The following FTO variants were observed in gnomAD, a reference collection of about 807,000 sequenced individuals.
The protein encoded by FTO is alpha-ketoglutarate-dependent dioxygenase FTO.
In FTO, 47 loss-of-function variants were observed where a neutral mutation model predicts 63.9. The observed-to-expected ratio is 0.74, with a 90% CI of 0.58 to 0.94. The LOEUF (loss-of-function observed/expected upper bound fraction) is 0.94, where lower values mean the gene tolerates loss of function less well. FTO is among the 40% of genes least tolerant of loss of function. FTO has a pLI of 0.00. For synonymous variants in FTO, 207 were observed against 224.4 expected, an observed-to-expected ratio of 0.92 and a Z score of 0.69; for missense variants, 562 against 618.1, an observed-to-expected ratio of 0.91 and a Z score of 0.96.
intron 1 of FTO, among the ~76,000 whole-genome samples, chr16:53,736,057 T>C (rs2076384301): frequency 6.6e-6 from 1 of 152,348 alleles, no homozygotes; most frequent in South Asian, 2.1e-4. Context: ...ATGTTAACCA[T>C]ATGAATAGGT....
intron 2 of FTO, among the ~76,000 whole-genome samples, chr16:53,822,502 C>G (rs947969432): frequency 2.6e-5 from 4 of 152,098 alleles, no homozygotes; most frequent in Admixed American, 6.6e-5. Context: ...TAAATACTCT[C>G]ACTGTGGACA....
chr16:54,026,223 G>C (rs2084712820), intron 8 of FTO, among the ~76,000 whole-genome samples: 1 of 152,166 alleles, frequency 6.6e-6, no homozygotes, highest in African/African-American at 2.4e-5. Context: ...CATCACCAAT[G>C]TTCATGGCCC....
At chr16:53,921,677 T>A (rs986779470) in intron 7 of FTO, among the ~76,000 whole-genome samples, 3 of 152,150 alleles carry the variant, frequency 2.0e-5, no homozygotes, top group African/African-American at 7.2e-5. Flanking sequence ...CATTCTAGTA[T>A]TAATTATGTG....
At chr16:53,848,736 C>T (rs910624150) in intron 4 of FTO, among the ~76,000 whole-genome samples, 2 of 152,046 alleles carry the variant, frequency 1.3e-5, no homozygotes, top group African/African-American at 2.4e-5. Context: ...TTTTGTGGAA[C>T]AGATTATACA....
chr16:53,912,752 C>A (rs909066025), intron 7 of FTO, among the ~76,000 whole-genome samples: 1 of 152,170 alleles, frequency 6.6e-6, no homozygotes, highest in Non-Finnish European at 1.5e-5. Flanking sequence ...ATTTGTTCTG[C>A]GATTCCACCT....
In FTO at chr16:53,888,889, A is replaced by G. The variant is rs2081077309; in HGVS notation, c.1177A>G (p.Thr393Ala). 6.2e-7 allele frequency: 1 copy of G among 1,614,082 alleles called. No homozygotes were observed. The change falls in exon 7 of 9, where the codon ACT becomes GCT. Residue 393 changes from threonine (T) to alanine (A), a missense_variant. Physicochemically the swap from Thr to Ala is moderately conservative, Grantham distance 58. Coordinates refer to ENST00000471389, the MANE Select transcript of FTO (RefSeq NM_001080432.3). ...WFQGNRYRKC[T>A]DWWCQPMAQL... Reference sequence around the variant, plus strand: ...TCAAGGCAATCGATACAGAAAGTGCACTGACTGGTGGTGTCAACCCATGGC... The same window carrying G: ...TCAAGGCAATCGATACAGAAAGTGCGCTGACTGGTGGTGTCAACCCATGGC...
At chr16:53,716,422 G>C (rs1380085911) in intron 1 of FTO, among the ~76,000 whole-genome samples, 2 of 152,158 alleles carry the variant, frequency 1.3e-5, no homozygotes, top group African/African-American at 2.4e-5. Context: ...TGGTGGTTAA[G>C]AACGTGGAAT....
chr16:53,822,979 T>C (rs943800374), intron 2 of FTO, among the ~76,000 whole-genome samples: 3 of 152,168 alleles, frequency 2.0e-5, no homozygotes, highest in Non-Finnish European at 4.4e-5. Context: ...TCATTAGAGA[T>C]TGTCCCTTAG....
At chr16:53,791,772 A>C (rs2077918634) in intron 1 of FTO, among the ~76,000 whole-genome samples, 2 of 152,344 alleles carry the variant, frequency 1.3e-5, no homozygotes, top group African/African-American at 4.8e-5. Flanking sequence ...TCAAGAAAGC[A>C]TGATAATAAA....
intron 4 of FTO, among the ~76,000 whole-genome samples, chr16:53,847,642 C>T (rs997683823): frequency 6.6e-6 from 1 of 151,860 alleles, no homozygotes; most frequent in Non-Finnish European, 1.5e-5. Flanking sequence ...GTGGTGGATG[C>T]CTGTAATCCC....
intron 8 of FTO, among the ~76,000 whole-genome samples, chr16:54,021,414 T>C (rs950824658): frequency 2.6e-5 from 4 of 151,816 alleles, no homozygotes; most frequent in Non-Finnish European, 2.9e-5. Context: ...TGGCTATACA[T>C]GGCCATGTAG....
chr16:54,078,742 G>A (rs1202472378), intron 8 of FTO, among the ~76,000 whole-genome samples: 2 of 152,138 alleles, frequency 1.3e-5, no homozygotes, highest in African/African-American at 4.8e-5. Flanking sequence ...GTGAGCACTT[G>A]AAGTTTTTCT....
In FTO at chr16:53,897,981, A is replaced by G. The variant is rs147206485; in HGVS notation, c.1239+9030A>G. 6.6e-5 allele frequency among the ~76,000 whole-genome samples: 10 copies of G among 152,244 alleles called. No homozygotes were observed. The East Asian group carries it at 1.7e-3, about 26-fold the overall frequency. ...ACTACCCTTCACTACCTCCTGTGCT[A>G]CCACCTTGGTAAAAACTACCATCGT... On this transcript the variant is annotated intron_variant, in intron 7 of 8. Transcript: ENST00000471389.
chr16:53,825,810 T>G (rs1054591942), intron 2 of FTO, 54 bp from the exon 3 acceptor site: 6 of 1,595,182 alleles, frequency 3.8e-6, no homozygotes, highest in Non-Finnish European at 5.1e-6. Flanking sequence ...CCTTTGGAAA[T>G]AATACAATTG....
At chr16:53,817,203 G>T (rs1237044097) in intron 2 of FTO, among the ~76,000 whole-genome samples, 1 of 152,222 alleles carries the variant, frequency 6.6e-6, no homozygotes, top group Non-Finnish European at 1.5e-5. Context: ...ATGAATGAAT[G>T]AATGAACGAG....
At chr16:53,736,474 C>T (rs2076393967) in intron 1 of FTO, among the ~76,000 whole-genome samples, 2 of 152,036 alleles carry the variant, frequency 1.3e-5, no homozygotes, top group Admixed American at 1.3e-4. Flanking sequence ...TCTTCTGTCA[C>T]TCACCAAGTC....
Position 53,721,750 on chromosome 16 carries a change from C to T in FTO, c.45+17521C>T, listed in dbSNP as rs1260920574. Among the ~76,000 whole-genome samples, 3 of 152,164 alleles carry T rather than the reference C, an allele frequency of 2.0e-5. No individual in the cohort carries two copies. In the East Asian group the frequency reaches 5.8e-4, roughly 29 times the overall value. On this transcript the variant is annotated intron_variant, in intron 1 of 8. Coordinates refer to ENST00000471389, the MANE Select transcript of FTO (RefSeq NM_001080432.3). ...GGGTAGGTATTTCATACTCTCTTTT[C>T]GAATATTGGTCACCGAAGGATTTCA...
chr16:53,812,409 GAC>G (rs2078558084), intron 2 of FTO, among the ~76,000 whole-genome samples: 2 of 151,952 alleles, frequency 1.3e-5, no homozygotes, highest in African/African-American at 4.8e-5. Context: ...TTTTAGTAGA[GAC>G]ATGGTTTCAC....
chr16:53,951,881 T>C (rs188603492), intron 8 of FTO, among the ~76,000 whole-genome samples: 24 of 152,236 alleles, frequency 1.6e-4, no homozygotes, highest in African/African-American at 5.3e-4. Flanking sequence ...TTCATGGATA[T>C]GGCTAAAATC....
Sources: gnomAD v4.1 joint callset for allele counts (sites outside exome capture counted in the v4.1 genomes callset) on GRCh38, gnomAD v4.1.1 for gene constraint, MANE v1.5 for transcripts, NCBI Gene and HGNC (gene_info 2026-07-23, HGNC 2026-07-21) for gene names.